Variants in ATP1A4 observed in about 807,000 individuals in gnomAD.
The protein encoded by ATP1A4 is sodium/potassium-transporting ATPase subunit alpha-4.
Under a neutral mutation model 114.3 loss-of-function variants are expected in ATP1A4, and 90 were observed. That is an observed-to-expected ratio of 0.79 (90% CI 0.66 to 0.94). The LOEUF (loss-of-function observed/expected upper bound fraction) is 0.94. Among genes scored for constraint, ATP1A4 ranks in the 40% least tolerant of loss-of-function variants. The probability of loss-of-function intolerance (pLI) is 0.00; values close to 1 mark genes in which losing one functional copy is unlikely to be tolerated. For missense variants in ATP1A4, 1,222 were observed against 1,313.6 expected (o/e 0.93, Z 1.08); for synonymous variants, 511 against 494.1 (o/e 1.03, Z -0.45).
chr1:160,171,457 G>C lies in ATP1A4; in HGVS notation c.1681+17G>C, dbSNP rs1183080893. ...GTGTGCTAGGTGAGGAGCTTTGGGA[G>C]AAGTTTTTAAAAGAATGGCATCAAA... On this transcript the variant is annotated intron_variant, in intron 11 of 21. Transcript: ENST00000368081. 6.2e-7 allele frequency: 1 copy of C among 1,610,336 alleles called. No individual in the cohort carries two copies.
chr1:160,172,324 C>G (rs705843), intron 12 of ATP1A4, among the ~76,000 whole-genome samples: 106,082 of 152,062 alleles, frequency 0.7, 37,236 homozygotes, highest in Non-Finnish European at 0.74. Flanking sequence ...GGCTAGGAGG[C>G]CTGGGGCTCT....
At chr1:160,181,248 T>TG (rs1653688531) in intron 18 of ATP1A4, among the ~76,000 whole-genome samples, 2 of 152,042 alleles carry the variant, frequency 1.3e-5, no homozygotes, top group Admixed American at 6.6e-5. Flanking sequence ...TGAAGTGCTG[T>TG]GGGGTCTAAA....
At chr1:160,164,715 G>A (rs1162074256) in intron 7 of ATP1A4, among the ~76,000 whole-genome samples, 1 of 152,138 alleles carries the variant, frequency 6.6e-6, no homozygotes, top group Non-Finnish European at 1.5e-5. Context: ...AACATCTCCA[G>A]ACCTCAATTT....
intron 1 of ATP1A4, 64 bp from the exon 2 acceptor site, chr1:160,153,101 C>A: frequency 7.6e-7 from 1 of 1,315,166 alleles, no homozygotes; most frequent in Non-Finnish European, 1.1e-6. Flanking sequence ...GTCTGTTTCT[C>A]CCCCTCTCCC....
At chr1:160,176,795 C>T (rs1571031654) in intron 17 of ATP1A4, among the ~76,000 whole-genome samples, 193 bp downstream of exon 17, 1 of 152,202 alleles carries the variant, frequency 6.6e-6, no homozygotes, top group Admixed American at 6.5e-5. Flanking sequence ...AACAAACATA[C>T]ATAAAATGAT....
chr1:160,160,981 C>T (rs1652845997), intron 6 of ATP1A4, among the ~76,000 whole-genome samples: 1 of 152,066 alleles, frequency 6.6e-6, no homozygotes, highest in Non-Finnish European at 1.5e-5. Flanking sequence ...GTAGGGTTTT[C>T]ATCAGCTAAG....
At chr1:160,181,096 A>C (rs78650309) in intron 18 of ATP1A4, among the ~76,000 whole-genome samples, 3,316 of 152,240 alleles carry the variant, frequency 0.022, 76 homozygotes, top group East Asian at 0.078. Flanking sequence ...GCCATGCTAC[A>C]TGCCATCCAC....
intron 2 of ATP1A4, among the ~76,000 whole-genome samples, chr1:160,154,257 G>A (rs1025277244): frequency 6.6e-6 from 1 of 152,048 alleles, no homozygotes; most frequent in African/African-American, 2.4e-5. Flanking sequence ...GGGAGGCTGA[G>A]GCAGGAGAAT....
At chr1:160,173,956 T>C (rs1369136956) in intron 13 of ATP1A4, among the ~76,000 whole-genome samples, 155 bp from the exon 14 acceptor site, 1 of 151,862 alleles carries the variant, frequency 6.6e-6, no homozygotes, top group Non-Finnish European at 1.5e-5. Context: ...GGGGAGGGAA[T>C]AGGATGTGTC....
In ATP1A4 at chr1:160,175,951, C is replaced by G. The variant is rs563827138; in HGVS notation, c.2312-141C>G. On this transcript the variant is annotated intron_variant, in intron 15 of 21. Coordinates refer to ENST00000368081, the MANE Select transcript of ATP1A4 (RefSeq NM_144699.4). ...AAAGGCACACAATTTAGAAACAATA[C>G]TGGGACCCTGGAGGTCTAGGACCTC... 60 of 788,678 alleles carry G rather than the reference C, an allele frequency of 7.6e-5. No individual in the cohort carries two copies. In the East Asian group the frequency reaches 1.3e-3, roughly 17 times the overall value. The allele number at this position is 788,678 out of a possible 1,614,324, so 48.9% of individuals were successfully genotyped here. A position where few individuals can be genotyped will look rare whatever the true frequency, so the allele number is the denominator to read the frequency against.
intron 20 of ATP1A4, 86 bp downstream of exon 20, chr1:160,182,117 G>A (rs1653729141): frequency 4.6e-6 from 5 of 1,097,392 alleles, no homozygotes; most frequent in Non-Finnish European, 7.0e-6. Flanking sequence ...GGATTGTCAT[G>A]AGCCAGGAGC....
chr1:160,151,829 G>A lies in ATP1A4; in HGVS notation c.-212G>A, dbSNP rs751566558. The A allele has an allele frequency of 1.4e-5, 7 of 508,158 alleles. No individual in the cohort carries two copies. Among genetic ancestry groups the A allele is most frequent in the African/African-American group, 1.9e-5 (1 of 52,426 alleles). 31.5% of individuals were successfully genotyped at this position (508,158 alleles called of 1,614,324 possible). A position where few individuals can be genotyped will look rare whatever the true frequency, so the allele number is the denominator to read the frequency against. On this transcript the variant is annotated 5_prime_UTR_variant, in exon 1 of 22. Coordinates refer to ENST00000368081, the MANE Select transcript of ATP1A4 (RefSeq NM_144699.4). ...CTTCCCAGCGGACGGCTGGAGGACCGCTCAGTCTCTCCTCTCTCACTTCCC... is the reference window on the plus strand; with the variant it reads ...CTTCCCAGCGGACGGCTGGAGGACCACTCAGTCTCTCCTCTCTCACTTCCC...
At chr1:160,170,411 T>G (rs979771097) in intron 10 of ATP1A4, 1 of 152,082 alleles carries the variant, frequency 6.6e-6, no homozygotes, top group African/African-American at 2.4e-5. Context: ...GGCGACAGAG[T>G]GAGACTCCAT....
At chr1:160,181,873 A>G in intron 19 of ATP1A4, 57 bp from the exon 20 acceptor site, 1 of 1,613,462 alleles carries the variant, frequency 6.2e-7, no homozygotes, top group Non-Finnish European at 8.5e-7. Context: ...AGGACATGCC[A>G]TTTCCCCCTG....
chr1:160,167,258 T>A lies in ATP1A4; in HGVS notation c.1357-20T>A, dbSNP rs745456135. 1.1e-5 allele frequency: 17 copies of A among 1,593,954 alleles called. No homozygotes were observed. Among genetic ancestry groups the A allele is most frequent in the Non-Finnish European group, 1.3e-5 (15 of 1,171,496 alleles). On this transcript the variant is annotated intron_variant, in intron 9 of 21. Coordinates refer to ENST00000368081, the MANE Select transcript of ATP1A4 (RefSeq NM_144699.4). ...GGTAGCATGCCCCTGGGGCTTACTATACAAACCCCATCCTGGCAGAGGGCC... is the reference window on the plus strand; with the variant it reads ...GGTAGCATGCCCCTGGGGCTTACTAAACAAACCCCATCCTGGCAGAGGGCC...
rs776243597 is a variant in ATP1A4, at chr1:160,171,284, A to G, written c.1525A>G (p.Thr509Ala). Residue 509 changes from threonine (T) to alanine (A), a missense_variant, in exon 11 of 22, where the codon ACC becomes GCC. Physicochemically the swap from Thr to Ala is moderately conservative, Grantham distance 58. Coordinates refer to ENST00000368081, the MANE Select transcript of ATP1A4 (RefSeq NM_144699.4). ...CCACCTTCGGGAGGACAGCTCCCAG[A>G]CCCACGTACTGATGATGAAGGGTGC... ...SIHLREDSSQ[T>A]HVLMMKGAPE... The G allele has an allele frequency of 6.2e-7, 1 of 1,613,606 alleles. No homozygotes were observed. The highest frequency in any genetic ancestry group is 8.5e-7 in the Non-Finnish European group (1 of 1,179,776).
chr1:160,153,247 A>G lies in ATP1A4; in HGVS notation c.207+23A>G. 3 of 1,606,192 alleles carry G rather than the reference A, an allele frequency of 1.9e-6. No individual in the cohort carries two copies. The South Asian group carries it at 3.3e-5, about 18-fold the overall frequency. ...AAGGTGAGTAAGAAGCTCCCTGAGG[A>G]GGCAGAGAGTCTCCAACTCTGACTG... On this transcript the variant is annotated intron_variant, in intron 2 of 21. Transcript: ENST00000368081.
chr1:160,171,432 G>C lies in ATP1A4; in HGVS notation c.1673G>C (p.Arg558Pro), dbSNP rs935822119. 3 of 1,613,506 alleles carry C rather than the reference G, an allele frequency of 1.9e-6. No individual in the cohort carries two copies. The African/African-American group carries it at 4.0e-5, about 22-fold the overall frequency. Residue 558 changes from arginine (R) to proline (P), a missense_variant, in exon 11 of 22, where the codon CGT becomes CCT. Physicochemically the swap from Arg to Pro is moderately radical, Grantham distance 103. Coordinates refer to ENST00000368081, the MANE Select transcript of ATP1A4 (RefSeq NM_144699.4). ...TTAGAACTGGGAGGTCTGGGGGAAC[G>C]TGTGCTAGGTGAGGAGCTTTGGGAG... ...AYLELGGLGE[R>P]VLGFCFLNLP...
chr1:160,163,228 G>A (rs1364527575), intron 6 of ATP1A4, among the ~76,000 whole-genome samples: 2 of 151,984 alleles, frequency 1.3e-5, no homozygotes, highest in Non-Finnish European at 2.9e-5. Context: ...TCCAACATGT[G>A]TAGACAGTTC....
Sources: gnomAD v4.1 joint callset for allele counts (sites outside exome capture counted in the v4.1 genomes callset) on GRCh38, gnomAD v4.1.1 for gene constraint, MANE v1.5 for transcripts, NCBI Gene and HGNC (gene_info 2026-07-23, HGNC 2026-07-21) for gene names.